MYO3B: variants seen among roughly 807,000 people sequenced by gnomAD.
MYO3B encodes the protein myosin-IIIb.
MYO3B carries 156 observed loss-of-function variants against 174.6 expected under a neutral mutation model. The ratio of observed to expected loss-of-function variants is 0.89; its 90% confidence interval spans 0.78 to 1.02. The LOEUF is 1.02. MYO3B is among the 50% of genes least tolerant of loss of function. The probability of loss-of-function intolerance (pLI) is 0.00; values close to 1 mark genes in which losing one functional copy is unlikely to be tolerated. For synonymous variants in MYO3B, 563 were observed against 569.1 expected, an observed-to-expected ratio of 0.99 and a Z score of 0.15; for missense variants, 1,632 against 1,639.4, an observed-to-expected ratio of 1.00 and a Z score of 0.08.
intron 30 of MYO3B, among the ~76,000 whole-genome samples, chr2:170,525,780 C>T (rs1239977259): frequency 6.6e-6 from 1 of 152,318 alleles, no homozygotes; most frequent in East Asian, 1.9e-4. Flanking sequence ...GAAACAGCCT[C>T]CCAGTCAGCA....
intron 25 of MYO3B, among the ~76,000 whole-genome samples, chr2:170,476,076 C>CT (rs1481977692): frequency 2.0e-5 from 3 of 152,036 alleles, no homozygotes; most frequent in Non-Finnish European, 4.4e-5. Flanking sequence ...TTCCCTGTCC[C>CT]CCCCCACAGG....
At chr2:170,625,064 G>T (rs982466191) in intron 32 of MYO3B, among the ~76,000 whole-genome samples, 1 of 152,186 alleles carries the variant, frequency 6.6e-6, no homozygotes, top group African/African-American at 2.4e-5. Flanking sequence ...TTGGTATCAG[G>T]ATGATGCTGG....
chr2:170,618,538 G>A (rs1316572646), intron 32 of MYO3B, among the ~76,000 whole-genome samples: 1 of 152,104 alleles, frequency 6.6e-6, no homozygotes, highest in Non-Finnish European at 1.5e-5. Context: ...TGCATCTTCA[G>A]GATCTGGTCA....
intron 3 of MYO3B, among the ~76,000 whole-genome samples, chr2:170,204,527 G>T (rs1284688340): frequency 6.6e-6 from 1 of 152,188 alleles, no homozygotes; most frequent in East Asian, 1.9e-4. Context: ...TTGAAATGAT[G>T]ACTGTCTTAG....
chr2:170,319,992 TG>T (rs2093812385), intron 7 of MYO3B, among the ~76,000 whole-genome samples: 1 of 152,226 alleles, frequency 6.6e-6, no homozygotes, highest in Non-Finnish European at 1.5e-5. Flanking sequence ...GAGAACTTGT[TG>T]CTAGCCAACC....
At chr2:170,393,244 T>C (rs2094425282) in intron 16 of MYO3B, among the ~76,000 whole-genome samples, 1 of 151,792 alleles carries the variant, frequency 6.6e-6, no homozygotes, top group African/African-American at 2.4e-5. Flanking sequence ...CCACCACACC[T>C]GACTAATTTT....
At chr2:170,272,326 A>G (rs2093431281) in intron 7 of MYO3B, among the ~76,000 whole-genome samples, 1 of 151,972 alleles carries the variant, frequency 6.6e-6, no homozygotes, top group African/African-American at 2.4e-5. Flanking sequence ...CTCCTTTCCA[A>G]CCCTTCTGTT....
At chr2:170,366,298 T>G (rs2094197809) in intron 8 of MYO3B, among the ~76,000 whole-genome samples, 1 of 152,074 alleles carries the variant, frequency 6.6e-6, no homozygotes, top group East Asian at 1.9e-4. Flanking sequence ...TTTTTTTGTT[T>G]GTTTTTTGTT....
At chr2:170,272,790 C>G (rs2093434858) in intron 7 of MYO3B, among the ~76,000 whole-genome samples, 1 of 152,024 alleles carries the variant, frequency 6.6e-6, no homozygotes, top group Non-Finnish European at 1.5e-5. Flanking sequence ...TTTCTTTTGC[C>G]CTTTCTTTGC....
In MYO3B at chr2:170,444,076, A is replaced by G. The variant is rs1231322565; in HGVS notation, c.2730+30A>G. 4 of 1,579,894 alleles carry G rather than the reference A, an allele frequency of 2.5e-6. 1 individual carries two copies. In the East Asian group the frequency reaches 8.9e-5, roughly 35 times the overall value. Reference sequence around the variant, plus strand: ...GTAACAGATTTGCACCAAATATAGTATGGACTGGCAGGTACTCTTGACCCA... The same window carrying G: ...GTAACAGATTTGCACCAAATATAGTGTGGACTGGCAGGTACTCTTGACCCA... On this transcript the variant is annotated intron_variant, in intron 23 of 34. Coordinates refer to ENST00000408978, the MANE Select transcript of MYO3B (RefSeq NM_138995.5).
rs1284938836 is a variant in MYO3B, at chr2:170,206,144, T to C, written c.321+5860T>C. The stretch of plus-strand genomic sequence containing the variant: ...ACCCTCACATGCACATTCCCCCTCA[T>C]TCTTTCATGCCCCCTACATTTGCAC... On this transcript the variant is annotated intron_variant, in intron 3 of 34. Transcript: ENST00000408978. The surrounding 1 kb of genome is among the most constrained non-coding windows in gnomAD (Gnocchi z 4.3). Among the ~76,000 whole-genome samples, 1 of 152,138 alleles carries C rather than the reference T, an allele frequency of 6.6e-6. No homozygotes were observed. The highest frequency in any genetic ancestry group is 1.5e-5 in the Non-Finnish European group (1 of 68,034).
chr2:170,476,039 C>T (rs1685295473), intron 25 of MYO3B, among the ~76,000 whole-genome samples: 1 of 151,418 alleles, frequency 6.6e-6, no homozygotes, highest in African/African-American at 2.4e-5. Context: ...TTATCCTACA[C>T]ATTCCTTTCC....
chr2:170,243,159 C>T (rs1362983885), intron 7 of MYO3B, among the ~76,000 whole-genome samples: 1 of 152,182 alleles, frequency 6.6e-6, no homozygotes, highest in Non-Finnish European at 1.5e-5. Flanking sequence ...CATCCCCAAA[C>T]TTAGTTGCTT....
At chr2:170,201,863 A>G (rs1442523164) in intron 3 of MYO3B, among the ~76,000 whole-genome samples, 2 of 152,180 alleles carry the variant, frequency 1.3e-5, no homozygotes, top group Admixed American at 1.3e-4. Context: ...GTTGTAACTT[A>G]GTAATGGAAG....
At chr2:170,452,441 A>G (rs954122611) in intron 23 of MYO3B, among the ~76,000 whole-genome samples, 3 of 152,252 alleles carry the variant, frequency 2.0e-5, no homozygotes, top group African/African-American at 7.2e-5. Flanking sequence ...TCAACTGAGA[A>G]GAAAAGCCTT....
intron 7 of MYO3B, among the ~76,000 whole-genome samples, chr2:170,280,154 T>C (rs2093497011): frequency 6.6e-6 from 1 of 152,240 alleles, no homozygotes; most frequent in South Asian, 2.1e-4. Context: ...TAATAGACAT[T>C]CTGACTGGTG....
In MYO3B at chr2:170,330,775, AT is replaced by A. The variant is rs149252215; in HGVS notation, c.750-4606del. ...TCAAAAGTAGAGGAATGAGGCTTAT[AT>A]TTTCAAATCCAAATCAAGTCAATAC... On this transcript the variant is annotated intron_variant, in intron 7 of 34. Coordinates refer to ENST00000408978, the MANE Select transcript of MYO3B (RefSeq NM_138995.5). 5.2e-3 allele frequency among the ~76,000 whole-genome samples: 785 copies of A among 152,282 alleles called. 10 individuals carry two copies. The highest frequency in any genetic ancestry group is 0.038 in the East Asian group (197 of 5,174).
intron 1 of MYO3B, among the ~76,000 whole-genome samples, chr2:170,193,302 T>C (rs1287821495): frequency 2.0e-5 from 3 of 152,074 alleles, no homozygotes; most frequent in Non-Finnish European, 4.4e-5. Context: ...AAAATAACCC[T>C]TTATGTTCTT....
chr2:170,520,437 A>G (rs1412436500), intron 30 of MYO3B, among the ~76,000 whole-genome samples: 1 of 150,584 alleles, frequency 6.6e-6, no homozygotes, highest in African/African-American at 2.4e-5. Flanking sequence ...TAAAATATGT[A>G]TATATATACA....
Sources: gnomAD v4.1 joint callset for allele counts (sites outside exome capture counted in the v4.1 genomes callset) on GRCh38, gnomAD v4.1.1 for gene constraint, Gnocchi (gnomAD v3.1) non-coding constraint, MANE v1.5 for transcripts, NCBI Gene and HGNC (gene_info 2026-07-23, HGNC 2026-07-21) for gene names.